SCFD2: variants seen among roughly 807,000 people sequenced by gnomAD.
SCFD2 encodes sec1 family domain containing 2.
Under a neutral mutation model 58.9 loss-of-function variants are expected in SCFD2, and 54 were observed. The observed-to-expected ratio is 0.92, with a 90% CI of 0.74 to 1.15. The LOEUF is 1.15. Among genes scored for constraint, SCFD2 ranks in the 50% most tolerant of loss-of-function variants. The pLI is 0.00. For missense variants in SCFD2, 805 were observed against 836.6 expected, an observed-to-expected ratio of 0.96 and a Z score of 0.47; for synonymous variants, 321 against 335.9, an observed-to-expected ratio of 0.96 and a Z score of 0.49.
At chr4:52,993,504 A>G (rs1328246876) in intron 5 of SCFD2, among the ~76,000 whole-genome samples, 1 of 152,264 alleles carries the variant, frequency 6.6e-6, no homozygotes, top group Non-Finnish European at 1.5e-5. Context: ...ACTAGGATGC[A>G]TATCTAGAAG....
intron 5 of SCFD2, among the ~76,000 whole-genome samples, chr4:52,995,453 C>G (rs943856340): frequency 1.3e-5 from 2 of 152,196 alleles, no homozygotes; most frequent in African/African-American, 4.8e-5. Flanking sequence ...ATTGGGGACC[C>G]TTGCCCTAGA....
chr4:53,216,569 C>T (rs1046997970), intron 4 of SCFD2, among the ~76,000 whole-genome samples: 2 of 151,882 alleles, frequency 1.3e-5, no homozygotes, highest in African/African-American at 4.8e-5. Context: ...AGCTGTCTAT[C>T]AATTTTGCTG....
rs533115940 is a variant in SCFD2, at chr4:53,332,854, G to T, written c.1008-19091C>A. ...GATTGTATATCTAGAAAACCCCATT[G>T]TCTCAGCCCAAAATCTCCTTAAGCT... is the stretch of plus-strand genomic sequence containing the variant. On this transcript the variant is annotated intron_variant, in intron 2 of 8. Transcript: ENST00000401642. Among the ~76,000 whole-genome samples, 13 of 150,428 alleles carry T rather than the reference G, an allele frequency of 8.6e-5. No individual in the cohort carries two copies. The East Asian group carries it at 1.4e-3, about 16-fold the overall frequency.
intron 5 of SCFD2, among the ~76,000 whole-genome samples, chr4:53,076,511 C>T (rs970487751): frequency 1.3e-5 from 2 of 152,072 alleles, no homozygotes; most frequent in Admixed American, 6.6e-5. Flanking sequence ...TCCCAAGCCA[C>T]TCCGGGGCTA....
At chr4:53,045,553 C>T (rs544384640) in intron 5 of SCFD2, among the ~76,000 whole-genome samples, 31 of 152,228 alleles carry the variant, frequency 2.0e-4, no homozygotes, top group African/African-American at 7.5e-4. Flanking sequence ...TTCTTATCCT[C>T]TGTATAATAA....
At chr4:53,221,140 T>G (rs576616935) in intron 4 of SCFD2, among the ~76,000 whole-genome samples, 5 of 152,296 alleles carry the variant, frequency 3.3e-5, no homozygotes, top group Admixed American at 6.5e-5. Flanking sequence ...TTATCACTAA[T>G]GCCCAGAACC....
intron 3 of SCFD2, among the ~76,000 whole-genome samples, chr4:53,303,578 T>C (rs1417912610): frequency 1.3e-5 from 2 of 152,092 alleles, no homozygotes; most frequent in Admixed American, 1.3e-4. Flanking sequence ...GAAATACCAT[T>C]TGACCCAGCC....
chr4:53,105,291 G>T (rs1188582778), intron 5 of SCFD2, among the ~76,000 whole-genome samples: 4 of 151,798 alleles, frequency 2.6e-5, no homozygotes, highest in African/African-American at 9.7e-5. Flanking sequence ...AGCTTTAGGA[G>T]TTTTTTTTCA....
In SCFD2 at chr4:53,133,094, C is replaced by T. The variant is rs187055534; in HGVS notation, c.1561+12239G>A. ...CTGTAATCCCAGCACTTTGGGAGGC[C>T]GAGGCGGGTGGATCACAAGGTCAGG... On this transcript the variant is annotated intron_variant, in intron 5 of 8. Coordinates refer to ENST00000401642, the MANE Select transcript of SCFD2 (RefSeq NM_152540.4). 3.8e-3 allele frequency among the ~76,000 whole-genome samples: 574 copies of T among 151,998 alleles called. 3 individuals are homozygous for T. Among genetic ancestry groups the T allele is most frequent in the East Asian group, 0.024 (126 of 5,160 alleles).
intron 4 of SCFD2, among the ~76,000 whole-genome samples, chr4:53,179,573 C>T (rs547101548): frequency 5.3e-5 from 8 of 152,242 alleles, no homozygotes; most frequent in African/African-American, 1.7e-4. Flanking sequence ...CCATTGATGC[C>T]ATGAAGAAAC....
At chr4:53,045,273 T>C (rs1723010816) in intron 5 of SCFD2, among the ~76,000 whole-genome samples, 1 of 152,210 alleles carries the variant, frequency 6.6e-6, no homozygotes, top group African/African-American at 2.4e-5. Context: ...ATTTGTTTTA[T>C]AGTGTGGATT....
At chr4:52,926,697 C>T (rs927344454) in intron 5 of SCFD2, among the ~76,000 whole-genome samples, 4 of 152,266 alleles carry the variant, frequency 2.6e-5, no homozygotes, top group East Asian at 1.9e-4. Flanking sequence ...CTCAGGCCCA[C>T]TTTCTAGTTT....
chr4:53,272,578 A>G (rs867828969), intron 4 of SCFD2, among the ~76,000 whole-genome samples: 4 of 152,138 alleles, frequency 2.6e-5, no homozygotes, highest in Non-Finnish European at 5.9e-5. Flanking sequence ...GGAAACCATC[A>G]TTCTCAGCAA....
chr4:53,299,422 C>T lies in SCFD2; in HGVS notation c.1135+14214G>A, dbSNP rs372114219. Among the ~76,000 whole-genome samples the T allele has an allele frequency of 5.0e-4, 76 of 152,266 alleles. No individual in the cohort carries two copies. The East Asian group carries it at 0.012, about 24-fold the overall frequency. On this transcript the variant is annotated intron_variant, in intron 3 of 8. Coordinates refer to ENST00000401642, the MANE Select transcript of SCFD2 (RefSeq NM_152540.4). ...AAAGAATAAAAAGAAACGAACAAAG[C>T]CTCCAAGAAATATGGGACTATGTGA...
At chr4:53,190,057 C>G (rs6825367) in intron 4 of SCFD2, among the ~76,000 whole-genome samples, 148,633 of 152,332 alleles carry the variant, frequency 0.98, 72,630 homozygotes, top group Middle Eastern at 1. Context: ...AGGTCTAACT[C>G]TATATTGGAA....
intron 4 of SCFD2, among the ~76,000 whole-genome samples, chr4:53,206,381 A>C (rs575288942): frequency 6.6e-6 from 1 of 152,254 alleles, no homozygotes; most frequent in Admixed American, 6.5e-5. Flanking sequence ...TGATGCAAGC[A>C]AAAAATCTTC....
chr4:53,255,031 C>G (rs1730554506), intron 4 of SCFD2, among the ~76,000 whole-genome samples: 1 of 150,428 alleles, frequency 6.6e-6, no homozygotes. Flanking sequence ...CACCGCCATG[C>G]CCAGCTAATT....
intron 5 of SCFD2, among the ~76,000 whole-genome samples, chr4:53,069,704 T>A (rs1413000564): frequency 6.6e-6 from 1 of 152,034 alleles, no homozygotes; most frequent in Non-Finnish European, 1.5e-5. Context: ...CTATAAAAAA[T>A]CTATACAATA....
At chr4:52,956,239 C>T in intron 5 of SCFD2, 1 of 456,720 alleles carries the variant, frequency 2.2e-6, no homozygotes, top group Non-Finnish European at 4.4e-6. Flanking sequence ...CCCCATCATA[C>T]TTAGAAGGCA....
Sources: allele counts gnomAD v4.1 joint callset (sites outside exome capture counted in the v4.1 genomes callset), GRCh38; gene constraint gnomAD v4.1.1; transcripts MANE v1.5; gene names NCBI Gene and HGNC (gene_info 2026-07-23, HGNC 2026-07-21).